TFF1: variants seen among roughly 807,000 people sequenced by gnomAD.
TFF1 encodes trefoil factor 1.
In TFF1, 8 loss-of-function variants were observed where a neutral mutation model predicts 7.7. That is an observed-to-expected ratio of 1.04 (90% confidence interval 0.61 to 1.87). The LOEUF is 1.87. Ranked by LOEUF, TFF1 falls within the 40% of genes most tolerant of loss-of-function variation. TFF1 has a pLI of 0.00. For missense variants in TFF1, 120 were observed against 113.4 expected (o/e 1.06, Z -0.26); for synonymous variants, 47 against 44.8 (o/e 1.05, Z -0.19).
intron 1 of TFF1, among the ~76,000 whole-genome samples, chr21:42,364,559 G>T (rs910700344): frequency 1.3e-5 from 2 of 152,166 alleles, no homozygotes; most frequent in African/African-American, 4.8e-5. Context: ...TCTGAGCTCC[G>T]CGGAATCAAA....
In TFF1 at chr21:42,363,315, C is replaced by T. The variant is rs576056162; in HGVS notation, c.178G>A (p.Asp60Asn). The T allele has an allele frequency of 1.2e-6, 2 of 1,614,190 alleles. No individual in the cohort carries two copies. The highest frequency in any genetic ancestry group is 1.6e-4 in the Middle Eastern group (1 of 6,062). Residue 60 changes from aspartate to asparagine, a missense_variant, in exon 2 of 3, where the codon GAC becomes AAC. Transcript: ENST00000291527. Reference sequence around the variant, plus strand: ...CACCAGGGGACCCCACGAACGGTGTCGTCGAAACAGCAGCCCTTATTTGCA... The same window carrying T: ...CACCAGGGGACCCCACGAACGGTGTTGTCGAAACAGCAGCCCTTATTTGCA... ...QCANKGCCFD[D>N]TVRGVPWCFY...
At chr21:42,364,351 G>A (rs1014469406) in intron 1 of TFF1, among the ~76,000 whole-genome samples, 1 of 152,164 alleles carries the variant, frequency 6.6e-6, no homozygotes, top group Non-Finnish European at 1.5e-5. Context: ...TTCAGGAGGT[G>A]GAAACCCATT....
chr21:42,363,456 T>C, intron 1 of TFF1, 49 bp from the exon 2 acceptor site: 1 of 1,586,380 alleles, frequency 6.3e-7, no homozygotes, highest in Non-Finnish European at 8.6e-7. Context: ...CTGAATTCCT[T>C]GATGTTATCA....
rs1172663089 is a variant in TFF1 at position 42,362,345 on chromosome 21, T to G, written c.*134A>C. ...GTAGTCAAAGTCAGAGCAGTCAATC[T>G]GTGTTGTGAGCCGAGGCACAGCTGC... On this transcript the variant is annotated 3_prime_UTR_variant, in exon 3 of 3. Transcript: ENST00000291527. 1 of 969,906 alleles carries G rather than the reference T, an allele frequency of 1.0e-6. No homozygotes were observed. The highest frequency in any genetic ancestry group is 1.5e-6 in the Non-Finnish European group (1 of 655,400). The allele number at this position is 969,906 out of a possible 1,614,324, so 60.1% of individuals were successfully genotyped here. A position where few individuals can be genotyped will look rare whatever the true frequency, so the allele number is the denominator to read the frequency against.
intron 1 of TFF1, 100 bp downstream of exon 1, chr21:42,366,311 C>A: frequency 1.1e-6 from 1 of 890,800 alleles, no homozygotes; most frequent in Non-Finnish European, 1.7e-6. Flanking sequence ...GCACCTGGCA[C>A]AAAACAGGTG....
chr21:42,363,448 G>A, intron 1 of TFF1, 41 bp from the exon 2 acceptor site: 1 of 1,593,826 alleles, frequency 6.3e-7, no homozygotes, highest in Non-Finnish European at 8.5e-7. Flanking sequence ...GTTGTGGGCT[G>A]AATTCCTTGA....
intron 1 of TFF1, among the ~76,000 whole-genome samples, chr21:42,364,428 A>T (rs1246109716): frequency 6.6e-6 from 1 of 152,200 alleles, no homozygotes; most frequent in Non-Finnish European, 1.5e-5. Flanking sequence ...AAGCTGTGAA[A>T]CAGCTTGAAG....
chr21:42,362,506 G>C lies in TFF1; in HGVS notation c.239-11C>G, dbSNP rs2052245929. ...AAAATTCACACTCCTCTACAGGGGT[G>C]AGGGGGAGGGAGAAAGAGATGCTTT... On this transcript the variant is annotated splice_polypyrimidine_tract_variant and intron_variant, in intron 2 of 2. Coordinates refer to ENST00000291527, the MANE Select transcript of TFF1 (RefSeq NM_003225.3). 1.7e-5 allele frequency: 27 copies of C among 1,577,384 alleles called. No individual in the cohort carries two copies. The highest frequency in any genetic ancestry group is 2.3e-5 in the Non-Finnish European group (27 of 1,162,658).
rs2052255634 is a variant in TFF1, at chr21:42,363,395, A to G, written c.98T>C (p.Val33Ala). 1.2e-6 allele frequency: 2 copies of G among 1,614,052 alleles called. No homozygotes were observed. The highest frequency in any genetic ancestry group is 8.5e-7 in the Non-Finnish European group (1 of 1,179,988). ...LAEAQTETCTVAPRERQNCGF... is the reference protein window; with the variant it reads ...LAEAQTETCTAAPRERQNCGF... ...ACAATTCTGTCTTTCACGGGGGGCC[A>G]CTGTACACGTCTCTGAAAGTGCACA... is the stretch of plus-strand genomic sequence containing the variant. Residue 33 changes from valine (V) to alanine (A), a missense_variant, in exon 2 of 3, where the codon GTG (valine) becomes GCG (alanine). Physicochemically the swap from Val to Ala is moderately conservative, Grantham distance 64. Coordinates refer to ENST00000291527, the MANE Select transcript of TFF1 (RefSeq NM_003225.3).
At position 42,362,391 on chromosome 21, in the gene TFF1, C is replaced by T. The variant is rs571497302; in HGVS notation, c.*88G>A. The T allele has an allele frequency of 2.0e-5, 29 of 1,463,238 alleles. No homozygotes were observed. The highest frequency in any genetic ancestry group is 1.7e-4 in the Admixed American group (8 of 48,472). 90.6% of individuals were successfully genotyped at this position (1,463,238 alleles called of 1,614,324 possible). On this transcript the variant is annotated 3_prime_UTR_variant, in exon 3 of 3. Coordinates refer to ENST00000291527, the MANE Select transcript of TFF1 (RefSeq NM_003225.3). The stretch of plus-strand genomic sequence containing the variant: ...GCTGCAGAAGCGTGTCTGAGGTGTC[C>T]GGTGGAGGTGGCAGCCGAGCTCTGG...
Position 42,363,345 on chromosome 21 carries a change from G to A in TFF1, c.148C>T (p.Gln50Ter). ...NCGFPGVTPS[Q>*]CANKGCCFDD... ...AAACAGCAGCCCTTATTTGCACACT[G>A]GGAGGGCGTGACACCAGGAAAACCA... Residue 50 changes from glutamine to a stop codon, truncating the protein, a stop_gained, in exon 2 of 3, where the codon CAG becomes TAG. Transcript: ENST00000291527. LOFTEE classifies it high-confidence loss of function. 6.2e-7 allele frequency: 1 copy of A among 1,614,176 alleles called. No homozygotes were observed. Among genetic ancestry groups the A allele is most frequent in the South Asian group, 1.1e-5 (1 of 91,072 alleles).
At chr21:42,362,938 C>T (rs1568867867) in intron 2 of TFF1, among the ~76,000 whole-genome samples, 1 of 151,128 alleles carries the variant, frequency 6.6e-6, no homozygotes, top group Non-Finnish European at 1.5e-5. Flanking sequence ...GAAATGTCTT[C>T]AGATTTCGTC....
In TFF1 at chr21:42,363,393, C is replaced by T; in HGVS notation, c.100G>A (p.Ala34Thr). The change falls in exon 2 of 3, where the codon GCC becomes ACC. Residue 34 changes from alanine to threonine, a missense_variant. Transcript: ENST00000291527. ...AEAQTETCTV[A>T]PRERQNCGFP... ...CCACAATTCTGTCTTTCACGGGGGG[C>T]CACTGTACACGTCTCTGAAAGTGCA... 1 of 1,613,916 alleles carries T rather than the reference C, an allele frequency of 6.2e-7. No individual in the cohort carries two copies. Among genetic ancestry groups the T allele is most frequent in the Non-Finnish European group, 8.5e-7 (1 of 1,179,970 alleles).
chr21:42,363,844 G>A (rs1007246390), intron 1 of TFF1, among the ~76,000 whole-genome samples: 1 of 152,188 alleles, frequency 6.6e-6, no homozygotes, highest in Non-Finnish European at 1.5e-5. Flanking sequence ...CCAGGCTCAT[G>A]CCTGTAATCC....
At chr21:42,362,919 A>AT in intron 2 of TFF1, among the ~76,000 whole-genome samples, 1 of 142,954 alleles carries the variant, frequency 7.0e-6, no homozygotes, top group Admixed American at 6.9e-5. Context: ...AAAAAAAAAA[A>AT]GAATACATGA....
chr21:42,363,450 A>T (rs763067501), intron 1 of TFF1, 43 bp from the exon 2 acceptor site: 168 of 1,593,398 alleles, frequency 1.1e-4, no homozygotes, highest in Non-Finnish European at 1.2e-4. Context: ...TGTGGGCTGA[A>T]TTCCTTGATG....
intron 1 of TFF1, among the ~76,000 whole-genome samples, 171 bp from the exon 2 acceptor site, chr21:42,363,578 C>T (rs1030409963): frequency 3.9e-5 from 6 of 152,250 alleles, no homozygotes; most frequent in African/African-American, 1.4e-4. Context: ...TCCTGATGTG[C>T]AAACATTACG....
rs769686070 is a variant in TFF1, at chr21:42,363,439, T to C, written c.86-32A>G. 1.9e-6 allele frequency: 3 copies of C among 1,601,942 alleles called. No individual in the cohort carries two copies. In the Admixed American group the frequency reaches 5.1e-5, roughly 27 times the overall value. On this transcript the variant is annotated intron_variant, in intron 1 of 2. Coordinates refer to ENST00000291527, the MANE Select transcript of TFF1 (RefSeq NM_003225.3). ...GTGCACAGGTAAGAAGCAAAGTAAG[T>C]TGTGGGCTGAATTCCTTGATGTTAT...
chr21:42,362,538 G>C (rs372892085), intron 2 of TFF1, 43 bp from the exon 3 acceptor site: 4 of 1,537,312 alleles, frequency 2.6e-6, no homozygotes, highest in South Asian at 1.3e-5. Context: ...CTTTAGTGAG[G>C]ATAAACATTT....
Sources: gnomAD v4.1 joint callset for allele counts (sites outside exome capture counted in the v4.1 genomes callset) on GRCh38, gnomAD v4.1.1 for gene constraint, MANE v1.5 for transcripts, NCBI Gene and HGNC (gene_info 2026-07-23, HGNC 2026-07-21) for gene names.